SAMD5: variants seen among roughly 807,000 people sequenced by gnomAD.
SAMD5 encodes the protein sterile alpha motif domain-containing protein 5.
A neutral mutation model predicts 11.3 loss-of-function variants in SAMD5; 13 were observed. The observed-to-expected ratio is 1.15, with a 90% CI of 0.75 to 1.83. SAMD5 has a LOEUF of 1.83. Among genes scored for constraint, SAMD5 ranks in the 40% most tolerant of loss-of-function variants. The probability of loss-of-function intolerance (pLI) is 0.00; values close to 1 mark genes in which losing one functional copy is unlikely to be tolerated. For missense variants in SAMD5, 255 were observed against 239.1 expected, an observed-to-expected ratio of 1.07 and a Z score of -0.44; for synonymous variants, 129 against 111.3, an observed-to-expected ratio of 1.16 and a Z score of -1.00.
At position 147,569,915 on chromosome 6, in the gene SAMD5, A is replaced by G. The variant is rs1789110698; in HGVS notation, c.*5459A>G. 4.1e-6 allele frequency: 4 copies of G among 985,052 alleles called. No homozygotes were observed. The South Asian group carries it at 1.9e-4, about 46-fold the overall frequency. The allele number at this position is 985,052 out of a possible 1,614,324, so 61.0% of individuals were successfully genotyped here. ...AAGGACGTTATGAGAAGGCACTATG[A>G]AAAGCCTAATTGGAATAGCATTATG... On this transcript the variant is annotated 3_prime_UTR_variant, in exon 2 of 2. Coordinates refer to ENST00000367474, the MANE Select transcript of SAMD5 (RefSeq NM_001030060.3).
the SAMD5 span, among the ~76,000 whole-genome samples, chr6:147,934,376 T>C: frequency 6.6e-6 from 1 of 152,350 alleles, no homozygotes; most frequent in Admixed American, 6.5e-5. Context: ...CACTTTCATT[T>C]ATTTTACTTG....
chr6:147,745,755 C>T, the SAMD5 span, among the ~76,000 whole-genome samples: 4 of 151,484 alleles, frequency 2.6e-5, no homozygotes, highest in Non-Finnish European at 5.9e-5. Context: ...AGCTGTGTGC[C>T]TCTGGGAAGG....
chr6:147,653,532 A>G (rs1328571861), intron 1 of SAMD5, among the ~76,000 whole-genome samples: 1 of 152,204 alleles, frequency 6.6e-6, no homozygotes, highest in Non-Finnish European at 1.5e-5. Context: ...TCTTTCAAGT[A>G]CCGGTGTCTG....
At chr6:147,677,411 T>G (rs1790878849) in intron 1 of SAMD5, among the ~76,000 whole-genome samples, 1 of 151,924 alleles carries the variant, frequency 6.6e-6, no homozygotes, top group Non-Finnish European at 1.5e-5. Context: ...GAAGCAGCAA[T>G]GAGTTGGTGT....
chr6:147,526,402 T>C (rs1788340500), intron 1 of SAMD5, among the ~76,000 whole-genome samples: 1 of 152,210 alleles, frequency 6.6e-6, no homozygotes, highest in African/African-American at 2.4e-5. Flanking sequence ...TGGAGAAAGA[T>C]AAACACACAC....
Position 147,564,774 on chromosome 6 carries a change from G to A in SAMD5, c.*318G>A, listed in dbSNP as rs1180567881. 1 of 1,024,472 alleles carries A rather than the reference G, an allele frequency of 9.8e-7. No individual in the cohort carries two copies. Among genetic ancestry groups the A allele is most frequent in the Non-Finnish European group, 1.2e-6 (1 of 855,546 alleles). The allele number at this position is 1,024,472 out of a possible 1,614,324, so 63.5% of individuals were successfully genotyped here. ...TCCATTCTTAATGAAAACAGATGAG[G>A]TTGGCTAAGGCATTTGAGTCATAAC... On this transcript the variant is annotated 3_prime_UTR_variant, in exon 2 of 2. Transcript: ENST00000367474.
At chr6:147,858,963 T>C in the SAMD5 span, among the ~76,000 whole-genome samples, 1 of 152,056 alleles carries the variant, frequency 6.6e-6, no homozygotes, top group Non-Finnish European at 1.5e-5. Context: ...AAGTACAATA[T>C]TAGTATGTAG....
At chr6:147,878,619 ATG>A in the SAMD5 span, among the ~76,000 whole-genome samples, 5 of 146,794 alleles carry the variant, frequency 3.4e-5, no homozygotes, top group East Asian at 2.0e-4. Context: ...ATAGATATAT[ATG>A]TATATATATC....
At chr6:147,763,011 AT>A in the SAMD5 span, among the ~76,000 whole-genome samples, 4 of 152,330 alleles carry the variant, frequency 2.6e-5, no homozygotes, top group South Asian at 8.3e-4. Context: ...CTACAACAAA[AT>A]TTTAAAAAAA....
chr6:147,924,195 G>C, the SAMD5 span, among the ~76,000 whole-genome samples: 1 of 152,168 alleles, frequency 6.6e-6, no homozygotes, highest in East Asian at 1.9e-4. Flanking sequence ...CTTATGCTGA[G>C]AGGTGAACCT....
intron 1 of SAMD5, chr6:147,660,708 T>A (rs537382421): frequency 2.0e-5 from 3 of 152,338 alleles, no homozygotes; most frequent in Non-Finnish European, 4.4e-5. Context: ...CCCTTCTCTC[T>A]TTTCCTCCTG....
Position 147,569,285 on chromosome 6 carries a change from AGAT to A in SAMD5, c.*4830_*4832del. The A allele has an allele frequency of 2.5e-6, 1 of 404,252 alleles. No homozygotes were observed. Among genetic ancestry groups the A allele is most frequent in the Non-Finnish European group, 3.3e-6 (1 of 300,242 alleles). The allele number at this position is 404,252 out of a possible 1,614,324, so 25.0% of individuals were successfully genotyped here. On this transcript the variant is annotated 3_prime_UTR_variant, in exon 2 of 2. Transcript: ENST00000367474. ...AACATAACTTTTCTACTTATGAAAT[AGAT>A]AATTTTTTAAAATTGTTTAAACTCC...
downstream of SAMD5, among the ~76,000 whole-genome samples, chr6:147,574,818 C>G (rs1196358358): frequency 1.3e-5 from 2 of 152,132 alleles, no homozygotes; most frequent in Admixed American, 1.3e-4. Flanking sequence ...TCATGGCCTA[C>G]TCATATTTTA....
At chr6:147,596,743 T>C (rs1789537527) in intron 1 of SAMD5, among the ~76,000 whole-genome samples, 1 of 152,226 alleles carries the variant, frequency 6.6e-6, no homozygotes, top group Admixed American at 6.5e-5. Context: ...TAAAATTTAC[T>C]TAACAAACCT....
the SAMD5 span, among the ~76,000 whole-genome samples, chr6:147,754,660 C>T: frequency 6.6e-6 from 1 of 151,872 alleles, no homozygotes; most frequent in Non-Finnish European, 1.5e-5. Context: ...GGAGATTTTC[C>T]CCGATGTTTT....
chr6:147,614,275 C>T (rs745572237), intron 1 of SAMD5, among the ~76,000 whole-genome samples: 36 of 151,716 alleles, frequency 2.4e-4, no homozygotes, highest in Non-Finnish European at 4.0e-4. Flanking sequence ...CGAGACCAGC[C>T]TAATCAACAT....
chr6:147,701,927 T>A (rs1791258829), intron 1 of SAMD5, among the ~76,000 whole-genome samples: 1 of 152,172 alleles, frequency 6.6e-6, no homozygotes, highest in Non-Finnish European at 1.5e-5. Context: ...TATATGTTTT[T>A]AAATTATGAC....
the SAMD5 span, among the ~76,000 whole-genome samples, chr6:147,926,428 A>G: frequency 6.6e-6 from 1 of 151,832 alleles, no homozygotes; most frequent in Non-Finnish European, 1.5e-5. Context: ...GCATTTTTCT[A>G]ATGATCCATA....
chr6:147,752,014 G>A, the SAMD5 span, among the ~76,000 whole-genome samples: 1 of 152,036 alleles, frequency 6.6e-6, no homozygotes, highest in African/African-American at 2.4e-5. Context: ...TCAGAACCTT[G>A]AAAACAGTTA....
Sources: allele counts gnomAD v4.1 joint callset (sites outside exome capture counted in the v4.1 genomes callset), GRCh38; gene constraint gnomAD v4.1.1; transcripts MANE v1.5; gene names NCBI Gene and HGNC (gene_info 2026-07-23, HGNC 2026-07-21).